LNX1: variants seen among roughly 807,000 people sequenced by gnomAD.
The protein encoded by LNX1 is ligand of numb-protein X 1, also known as E3 ubiquitin-protein ligase LNX.
Under a neutral mutation model 68.4 loss-of-function variants are expected in LNX1, and 54 were observed. The observed-to-expected ratio is 0.79, with a 90% CI of 0.63 to 0.99. The LOEUF (loss-of-function observed/expected upper bound fraction) is 0.99, where lower values mean the gene tolerates loss of function less well. LNX1 is among the 50% of genes least tolerant of loss of function. LNX1 has a pLI of 0.00. For synonymous variants in LNX1, 336 were observed against 350.0 expected (o/e 0.96, Z 0.45); for missense variants, 906 against 926.4 (o/e 0.98, Z 0.29).
chr4:53,489,533 C>G (rs1282625236), intron 6 of LNX1, among the ~76,000 whole-genome samples: 6 of 152,028 alleles, frequency 3.9e-5, no homozygotes, highest in South Asian at 2.1e-4. Context: ...TTTAGGATAT[C>G]TAGAAGTTAC....
Position 53,573,648 on chromosome 4 carries a change from C to T in LNX1, c.355G>A (p.Asp119Asn). The part of the protein sequence containing the change: ...EHCTQVLQRC[D>N]LEHHFQTSCK... ...CTGGTTTGAAAGTGATGCTCGAGGT[C>T]ACAGCGCTGCAACACCTGGGTGCAG... The change falls in exon 2 of 11, where the codon GAC becomes AAC. Residue 119 changes from aspartate to asparagine, a missense_variant. Physicochemically the swap from Asp to Asn is conservative, Grantham distance 23. Coordinates refer to ENST00000263925, the MANE Select transcript of LNX1 (RefSeq NM_001126328.3). 1 of 1,604,386 alleles carries T rather than the reference C, an allele frequency of 6.2e-7. No homozygotes were observed. The highest frequency in any genetic ancestry group is 8.5e-7 in the Non-Finnish European group (1 of 1,175,746).
intron 2 of LNX1, among the ~76,000 whole-genome samples, chr4:53,508,592 T>C (rs755721441): frequency 2.6e-5 from 4 of 152,210 alleles, no homozygotes; most frequent in Admixed American, 6.5e-5. Flanking sequence ...ATTTTGACCA[T>C]GAAAGCCCTT....
chr4:53,515,513 AC>A (rs1265212164), intron 2 of LNX1, among the ~76,000 whole-genome samples: 9 of 82,162 alleles, frequency 1.1e-4, no homozygotes, highest in Non-Finnish European at 1.9e-4. Flanking sequence ...TAAGGCCCCC[AC>A]CCCACCAAAA....
chr4:53,620,480 T>G (rs1378117195), upstream of LNX1, among the ~76,000 whole-genome samples: 1 of 152,034 alleles, frequency 6.6e-6, no homozygotes, highest in Non-Finnish European at 1.5e-5. Flanking sequence ...TGACCAAAGT[T>G]TATGGAAAAA....
intron 2 of LNX1, among the ~76,000 whole-genome samples, chr4:53,540,534 T>C (rs1161072224): frequency 6.6e-6 from 1 of 151,616 alleles, no homozygotes; most frequent in African/African-American, 2.4e-5. Context: ...TACAAAAAAT[T>C]AGCTGGGCAT....
At chr4:53,519,862 C>T (rs1438280371) in intron 2 of LNX1, among the ~76,000 whole-genome samples, 3 of 152,204 alleles carry the variant, frequency 2.0e-5, no homozygotes, top group Non-Finnish European at 2.9e-5. Context: ...TATAGGGTGA[C>T]CAACCATCTC....
At chr4:53,633,481 C>T (rs1304922563) in intron 1 of LNX1, among the ~76,000 whole-genome samples, 1 of 152,116 alleles carries the variant, frequency 6.6e-6, no homozygotes, top group Non-Finnish European at 1.5e-5. Context: ...AAATGCATGA[C>T]AATACTCAGA....
intron 2 of LNX1, among the ~76,000 whole-genome samples, chr4:53,547,041 A>G (rs1247690918): frequency 6.6e-6 from 1 of 152,094 alleles, no homozygotes; most frequent in Non-Finnish European, 1.5e-5. Context: ...GGTTACAGCA[A>G]CTCCAGTTTC....
At chr4:53,516,702 A>G (rs1002982581) in intron 2 of LNX1, among the ~76,000 whole-genome samples, 6 of 152,226 alleles carry the variant, frequency 3.9e-5, no homozygotes, top group African/African-American at 1.4e-4. Flanking sequence ...ACCTGAAGTG[A>G]GATCCAAGAG....
At chr4:53,581,169 G>GTTGTACCC in intron 1 of LNX1, among the ~76,000 whole-genome samples, 1 of 152,298 alleles carries the variant, frequency 6.6e-6, no homozygotes, top group Middle Eastern at 3.4e-3. Flanking sequence ...GACCATGACA[G>GTTGTACCC]TTGTACCCTT....
chr4:53,471,952 G>A (rs1445442560), intron 9 of LNX1, among the ~76,000 whole-genome samples: 20 of 152,066 alleles, frequency 1.3e-4, no homozygotes, highest in African/African-American at 4.8e-4. Context: ...ATCTAGAACT[G>A]GAAATACCAT....
chr4:53,646,978 G>A (rs759688805), intron 1 of LNX1, among the ~76,000 whole-genome samples: 6 of 152,236 alleles, frequency 3.9e-5, no homozygotes, highest in Non-Finnish European at 4.4e-5. Flanking sequence ...GGCAGGAAGT[G>A]TCCCGGCAGC....
At chr4:53,517,936 G>A (rs1300876599) in intron 2 of LNX1, among the ~76,000 whole-genome samples, 1 of 152,134 alleles carries the variant, frequency 6.6e-6, no homozygotes, top group African/African-American at 2.4e-5. Flanking sequence ...GAGGACAGGT[G>A]GATTTCTGAC....
chr4:53,574,153 A>C, intron 1 of LNX1, 65 bp from the exon 2 acceptor site: 3 of 1,202,720 alleles, frequency 2.5e-6, no homozygotes, highest in Non-Finnish European at 3.4e-6. Flanking sequence ...CTTATGGTAG[A>C]CATGAGACAG....
chr4:53,624,906 A>T (rs1268325871), intron 1 of LNX1, among the ~76,000 whole-genome samples: 1 of 152,228 alleles, frequency 6.6e-6, no homozygotes, highest in Non-Finnish European at 1.5e-5. Flanking sequence ...GCATCCTCAT[A>T]CATTTTAAAA....
intron 1 of LNX1, among the ~76,000 whole-genome samples, chr4:53,582,048 C>T (rs1731868451): frequency 6.6e-6 from 1 of 152,142 alleles, no homozygotes; most frequent in African/African-American, 2.4e-5. Flanking sequence ...GAGTGTCTCA[C>T]TTGCCTCACC....
rs1015869168 is a variant in LNX1, at chr4:53,481,592, A to G, written c.1485+128T>C. The G allele has an allele frequency of 1.2e-5, 13 of 1,085,334 alleles. No individual in the cohort carries two copies. In the African/African-American group the frequency reaches 2.1e-4, roughly 18 times the overall value. The allele number at this position is 1,085,334 out of a possible 1,614,324, so 67.2% of individuals were successfully genotyped here. On this transcript the variant is annotated intron_variant, in intron 7 of 10. Coordinates refer to ENST00000263925, the MANE Select transcript of LNX1 (RefSeq NM_001126328.3). Reference sequence around the variant, plus strand: ...CTTAAATATGGGACTTTGGGCTTTTAGTTTTACAAGTCAAAGTGTTTCTTT... The same window carrying G: ...CTTAAATATGGGACTTTGGGCTTTTGGTTTTACAAGTCAAAGTGTTTCTTT...
Position 53,459,405 on chromosome 4 carries a change from C to T in LNX1, c.*1502G>A. On this transcript the variant is annotated 3_prime_UTR_variant, in exon 11 of 11. Transcript: ENST00000263925. ...AGAAGGAAAAGAAGCGGGCAGTGAGCCTGCCCCTGAACAGGAGAGCACCGA... is the reference window on the plus strand; with the variant it reads ...AGAAGGAAAAGAAGCGGGCAGTGAGTCTGCCCCTGAACAGGAGAGCACCGA... 6.2e-7 allele frequency: 1 copy of T among 1,611,946 alleles called. No homozygotes were observed. The highest frequency in any genetic ancestry group is 8.5e-7 in the Non-Finnish European group (1 of 1,179,270).
intron 2 of LNX1, among the ~76,000 whole-genome samples, chr4:53,573,120 CAT>C (rs1731267358): frequency 6.6e-6 from 1 of 152,138 alleles, no homozygotes; most frequent in African/African-American, 2.4e-5. Context: ...AACATACACA[CAT>C]GAGATGAGCT....
Sources: allele counts gnomAD v4.1 joint callset (sites outside exome capture counted in the v4.1 genomes callset), GRCh38; gene constraint gnomAD v4.1.1; transcripts MANE v1.5; gene names NCBI Gene and HGNC (gene_info 2026-07-23, HGNC 2026-07-21).